Variants in NPAS3 observed in about 807,000 individuals in gnomAD.
The protein encoded by NPAS3 is neuronal PAS domain-containing protein 3.
A neutral mutation model predicts 73.1 loss-of-function variants in NPAS3; 14 were observed. That is an observed-to-expected ratio of 0.19 (90% CI 0.13 to 0.30). The LOEUF (loss-of-function observed/expected upper bound fraction) is 0.30. Ranked by LOEUF, NPAS3 falls within the 10% of genes least tolerant of loss-of-function variation. NPAS3 has a pLI of 1.00. For missense variants in NPAS3, 1,096 were observed against 1,250.0 expected, an observed-to-expected ratio of 0.88 and a Z score of 1.86; for synonymous variants, 620 against 541.5, an observed-to-expected ratio of 1.14 and a Z score of -2.01.
intron 5 of NPAS3, among the ~76,000 whole-genome samples, chr14:33,642,232 A>G (rs1242922785): frequency 6.6e-6 from 1 of 152,106 alleles, no homozygotes; most frequent in Non-Finnish European, 1.5e-5. Context: ...AGCTTTAGAG[A>G]GGAGGTCAGA....
intron 4 of NPAS3, among the ~76,000 whole-genome samples, chr14:33,426,731 A>G (rs1166949973): frequency 3.9e-5 from 6 of 152,078 alleles, no homozygotes; most frequent in Non-Finnish European, 7.4e-5. Flanking sequence ...CTCTTTATAC[A>G]TTTAGTAAGA....
chr14:33,650,700 A>G (rs1001909203), intron 5 of NPAS3, among the ~76,000 whole-genome samples: 1 of 152,112 alleles, frequency 6.6e-6, no homozygotes. Context: ...ACTGTAGATG[A>G]CATGTCTCTT....
chr14:32,941,564 C>T (rs939187175), intron 1 of NPAS3, among the ~76,000 whole-genome samples: 40 of 151,712 alleles, frequency 2.6e-4, no homozygotes, highest in African/African-American at 9.7e-4. Context: ...TCAAAGTGTG[C>T]GATTTGTTAT....
At chr14:33,440,283 T>A (rs2139265742) in intron 4 of NPAS3, among the ~76,000 whole-genome samples, 1 of 152,212 alleles carries the variant, frequency 6.6e-6, no homozygotes, top group African/African-American at 2.4e-5. Flanking sequence ...CCTTTCTTGA[T>A]GATACACAGA....
intron 4 of NPAS3, among the ~76,000 whole-genome samples, chr14:33,457,154 T>G (rs946226573): frequency 2.0e-5 from 3 of 152,214 alleles, no homozygotes; most frequent in African/African-American, 7.2e-5. Flanking sequence ...CACACCACAA[T>G]GCCCAGTTGT....
At position 33,800,419 on chromosome 14, in the gene NPAS3, C is replaced by CG; in HGVS notation, c.2118dup (p.Leu707AlafsTer146). On this transcript the variant is annotated frameshift_variant, in exon 12 of 12. Transcript: ENST00000356141. LOFTEE classifies it high-confidence loss of function. The surrounding 1 kb of genome is among the most constrained non-coding windows in gnomAD (Gnocchi z 6.5). ...GCGGCGGCGGTGGGGGTGGCGGTGG[C>CG]GGGGGGCTGCACGTGGCCATTCCCG... 2 of 1,592,774 alleles carry CG rather than the reference C, an allele frequency of 1.3e-6. No homozygotes were observed. Among genetic ancestry groups the CG allele is most frequent in the Non-Finnish European group, 8.5e-7 (1 of 1,172,652 alleles).
At chr14:33,632,388 A>T (rs1384732539) in intron 5 of NPAS3, among the ~76,000 whole-genome samples, 3 of 152,218 alleles carry the variant, frequency 2.0e-5, no homozygotes, top group African/African-American at 4.8e-5. Context: ...TATAATTTTT[A>T]AAATGTTGAC....
At chr14:33,492,048 G>A (rs760871764) in intron 4 of NPAS3, among the ~76,000 whole-genome samples, 1 of 152,134 alleles carries the variant, frequency 6.6e-6, no homozygotes, top group Non-Finnish European at 1.5e-5. Context: ...TTGAGGTTAT[G>A]TCAAGATAGT....
chr14:32,953,409 A>G (rs2036561198), intron 1 of NPAS3, among the ~76,000 whole-genome samples: 1 of 152,294 alleles, frequency 6.6e-6, no homozygotes, highest in East Asian at 1.9e-4. Flanking sequence ...ATACGAGGTC[A>G]CAAAGACTTT....
chr14:33,411,427 C>A (rs1267417184), intron 4 of NPAS3, among the ~76,000 whole-genome samples: 1 of 152,216 alleles, frequency 6.6e-6, no homozygotes, highest in Admixed American at 6.5e-5. Context: ...AGGTGATCCA[C>A]CTGCCTCGGT....
intron 3 of NPAS3, among the ~76,000 whole-genome samples, chr14:33,242,253 C>T (rs1316212040): frequency 1.3e-5 from 2 of 151,946 alleles, no homozygotes; most frequent in Non-Finnish European, 2.9e-5. Flanking sequence ...GTTTATAGTT[C>T]CCTTCTCAAA....
chr14:33,607,000 A>G (rs2057589574), intron 5 of NPAS3, among the ~76,000 whole-genome samples: 1 of 152,262 alleles, frequency 6.6e-6, no homozygotes, highest in African/African-American at 2.4e-5. Flanking sequence ...CATTAGGGAA[A>G]TGCAGATTAA....
intron 2 of NPAS3, among the ~76,000 whole-genome samples, chr14:33,117,716 A>G (rs1191126825): frequency 6.6e-6 from 1 of 152,146 alleles, no homozygotes. Context: ...AGAAATTTGT[A>G]TCTTTTACTT....
chr14:33,660,515 G>T (rs1379120211), intron 5 of NPAS3, among the ~76,000 whole-genome samples: 1 of 152,114 alleles, frequency 6.6e-6, no homozygotes, highest in Non-Finnish European at 1.5e-5. Context: ...TTTTCCATTT[G>T]CAAAAGGGTT....
At chr14:33,260,364 A>T (rs1180300594) in intron 3 of NPAS3, among the ~76,000 whole-genome samples, 6 of 149,022 alleles carry the variant, frequency 4.0e-5, no homozygotes, top group Non-Finnish European at 8.9e-5. Context: ...TTTTTTTTTT[A>T]AGTTTGGCCA....
At chr14:33,422,141 G>A (rs539432977) in intron 4 of NPAS3, among the ~76,000 whole-genome samples, 1 of 152,016 alleles carries the variant, frequency 6.6e-6, no homozygotes, top group East Asian at 1.9e-4. Flanking sequence ...CAGCGGCCAA[G>A]ACTAATTCTC....
intron 4 of NPAS3, among the ~76,000 whole-genome samples, chr14:33,498,949 TG>T (rs2139891462): frequency 6.9e-6 from 1 of 145,042 alleles, no homozygotes; most frequent in South Asian, 2.2e-4. Context: ...TGTGTGTGTG[TG>T]TGTGTGTGTG....
intron 6 of NPAS3, among the ~76,000 whole-genome samples, chr14:33,693,910 A>G (rs2060301542): frequency 6.6e-6 from 1 of 152,088 alleles, no homozygotes; most frequent in Admixed American, 6.6e-5. Flanking sequence ...TCCAAGTCAA[A>G]TCTGCACTGA....
chr14:33,194,761 G>T (rs1186953533), intron 2 of NPAS3, among the ~76,000 whole-genome samples: 1 of 152,174 alleles, frequency 6.6e-6, no homozygotes, highest in Non-Finnish European at 1.5e-5. Context: ...TTGGTGGAAT[G>T]TGGATGGTCA....
Sources: allele counts gnomAD v4.1 joint callset (sites outside exome capture counted in the v4.1 genomes callset), GRCh38; gene constraint gnomAD v4.1.1; non-coding constraint Gnocchi (gnomAD v3.1); transcripts MANE v1.5; gene names NCBI Gene and HGNC (gene_info 2026-07-23, HGNC 2026-07-21).